The following TLN1 variants were observed in gnomAD, a reference collection of about 807,000 sequenced individuals.
The protein encoded by TLN1 is talin 1, also known as talin-1.
A neutral mutation model predicts 292.3 loss-of-function variants in TLN1; 56 were observed. The observed-to-expected ratio is 0.19, with a 90% CI of 0.15 to 0.24. The LOEUF is 0.24. Among genes scored for constraint, TLN1 ranks in the 10% least tolerant of loss-of-function variants. The pLI is 1.00. For synonymous variants in TLN1, 1,119 were observed against 1,253.7 expected, an observed-to-expected ratio of 0.89 and a Z score of 2.27; for missense variants, 2,433 against 3,248.2, an observed-to-expected ratio of 0.75 and a Z score of 6.10.
intron 1 of TLN1, among the ~76,000 whole-genome samples, chr9:35,727,354 G>C (rs950612972): frequency 6.6e-6 from 1 of 152,194 alleles, no homozygotes; most frequent in Non-Finnish European, 1.5e-5. Flanking sequence ...GAAGTTAGGA[G>C]AGATGGGATG....
In TLN1 at chr9:35,700,382, G is replaced by C. The variant is rs1429401152; in HGVS notation, c.6475-6C>G. ...GGCTCTGGGGAACAGAAAACCTGTGGGGGCAGAAGAAGAAGAAAGATTTTA... is the reference window on the plus strand; with the variant it reads ...GGCTCTGGGGAACAGAAAACCTGTGCGGGCAGAAGAAGAAGAAAGATTTTA... On this transcript the variant is annotated splice_region_variant and splice_polypyrimidine_tract_variant and intron_variant, in intron 48 of 56. Coordinates refer to ENST00000314888, the MANE Select transcript of TLN1 (RefSeq NM_006289.4). 1 of 1,592,314 alleles carries C rather than the reference G, an allele frequency of 6.3e-7. No homozygotes were observed. The highest frequency in any genetic ancestry group is 2.3e-5 in the East Asian group (1 of 44,298).
rs139629914 is a variant in TLN1, at chr9:35,724,541, C to G, written c.511+31G>C. 1.9e-6 allele frequency: 3 copies of G among 1,601,520 alleles called. No homozygotes were observed. In the East Asian group the frequency reaches 6.7e-5, roughly 36 times the overall value. Reference sequence around the variant, plus strand: ...AAGCCCCTTCCCACCCTTCCCATTTCAAAAGCCCTCTTTTTTCTAGTTCTG... The same window carrying G: ...AAGCCCCTTCCCACCCTTCCCATTTGAAAAGCCCTCTTTTTTCTAGTTCTG... On this transcript the variant is annotated intron_variant, in intron 5 of 56. Coordinates refer to ENST00000314888, the MANE Select transcript of TLN1 (RefSeq NM_006289.4). This position sits in a 1 kb window ranked among gnomAD's most constrained non-coding sequence, Gnocchi z 4.7.
At chr9:35,726,273 C>G (rs1825977356) in intron 1 of TLN1, among the ~76,000 whole-genome samples, 1 of 152,190 alleles carries the variant, frequency 6.6e-6, no homozygotes, top group Admixed American at 6.5e-5. Flanking sequence ...AATAGCAGGT[C>G]TGAAATGCAG....
intron 1 of TLN1, among the ~76,000 whole-genome samples, 196 bp downstream of exon 1, chr9:35,731,879 G>A (rs990617654): frequency 1.3e-5 from 2 of 151,938 alleles, no homozygotes; most frequent in African/African-American, 4.8e-5. Flanking sequence ...CCCAGACATA[G>A]GACTGCTCCC....
At position 35,712,022 on chromosome 9, in the gene TLN1, G is replaced by C. The variant is rs1825680948; in HGVS notation, c.3664C>G (p.Arg1222Gly). ...CCTCCTACCGAGTCACTCAGGAGTCGCTTGCTGGCATCTCCAACTGCCCTC... is the reference window on the plus strand; with the variant it reads ...CCTCCTACCGAGTCACTCAGGAGTCCCTTGCTGGCATCTCCAACTGCCCTC... ...ALRAVGDASK[R>G]LLSDSLPPST... is the part of the protein sequence containing the mutation. Residue 1222 changes from arginine to glycine, a missense_variant, in exon 28 of 57, where the codon CGA becomes GGA. This residue lies in a region of TLN1 where 1,384 missense variants were observed against 1,699.6 expected (regional missense o/e 0.81). Transcript: ENST00000314888. The C allele has an allele frequency of 6.2e-7, 1 of 1,613,734 alleles. No individual in the cohort carries two copies. Among genetic ancestry groups the C allele is most frequent in the African/African-American group, 1.3e-5 (1 of 74,862 alleles).
chr9:35,719,882 TGGAATGGATG>T lies in TLN1; in HGVS notation c.1465-39_1465-30del. On this transcript the variant is annotated intron_variant, in intron 13 of 56. Transcript: ENST00000314888. The surrounding 1 kb of genome is among the most constrained non-coding windows in gnomAD (Gnocchi z 4.6). The stretch of plus-strand genomic sequence containing the variant: ...AAGACAAGTGGGGAGAAACAGGGAC[TGGAATGGATG>T]TTTGGAGAAAAGAGAAGGTAAAAGA... 1 of 1,570,502 alleles carries T rather than the reference TGGAATGGATG, an allele frequency of 6.4e-7. No individual in the cohort carries two copies. Among genetic ancestry groups the T allele is most frequent in the Non-Finnish European group, 8.7e-7 (1 of 1,155,952 alleles).
At chr9:35,729,715 A>G (rs577001140) in intron 1 of TLN1, among the ~76,000 whole-genome samples, 2 of 152,320 alleles carry the variant, frequency 1.3e-5, no homozygotes, top group East Asian at 3.9e-4. Flanking sequence ...TAAGGTAGAC[A>G]GGTTAGAGTC....
chr9:35,718,530 T>C (rs1825824583), intron 17 of TLN1, among the ~76,000 whole-genome samples: 2 of 151,872 alleles, frequency 1.3e-5, no homozygotes, highest in Middle Eastern at 3.4e-3. Flanking sequence ...GGTCCTCAAA[T>C]TGGGGCAAGG....
In TLN1 at chr9:35,725,625, T is replaced by C. The variant is rs373447882; in HGVS notation, c.70A>G (p.Met24Val). ...ATGATGCGGCAGGCGTCGTACACCA[T>C]GGTAGACGGCTCAAACTGCATCGTC... Reference protein sequence around the residue: ...VKTMQFEPSTMVYDACRIIRE... With the variant: ...VKTMQFEPSTVVYDACRIIRE... The change falls in exon 2 of 57, where the codon ATG (methionine) becomes GTG (valine). Residue 24 changes from methionine (M) to valine (V), a missense_variant. By Grantham distance (21) the Met-to-Val change is conservative. Transcript: ENST00000314888. The C allele has an allele frequency of 1.9e-6, 3 of 1,613,840 alleles. No homozygotes were observed. Among genetic ancestry groups the C allele is most frequent in the African/African-American group, 1.3e-5 (1 of 74,874 alleles).
In TLN1 at chr9:35,703,663, T is replaced by C; in HGVS notation, c.6371A>G (p.Asn2124Ser). The change falls in exon 48 of 57, where the codon AAT becomes AGT. Residue 2124 changes from asparagine (N) to serine (S), a missense_variant. Physicochemically the swap from Asn to Ser is conservative, Grantham distance 46. Around this residue, in one of 7 missense-constraint regions of TLN1, gnomAD observed 1,384 missense variants for 1,699.6 expected, o/e 0.81. Coordinates refer to ENST00000314888, the MANE Select transcript of TLN1 (RefSeq NM_006289.4). Reference protein sequence around the residue: ...LKNSAKVMVTNVTSLLKTVKA... With the variant: ...LKNSAKVMVTSVTSLLKTVKA... ...TACTGTCTTAAGCAATGATGTCACATTGGTCACCATCACCTGGAGGTATCA... is the reference window on the plus strand; with the variant it reads ...TACTGTCTTAAGCAATGATGTCACACTGGTCACCATCACCTGGAGGTATCA... 1 of 1,614,184 alleles carries C rather than the reference T, an allele frequency of 6.2e-7. No homozygotes were observed. Among genetic ancestry groups the C allele is most frequent in the Non-Finnish European group, 8.5e-7 (1 of 1,180,040 alleles).
At chr9:35,725,428 A>C in intron 2 of TLN1, 107 bp from the exon 3 acceptor site, 1 of 1,534,850 alleles carries the variant, frequency 6.5e-7, no homozygotes, top group Non-Finnish European at 8.9e-7. Flanking sequence ...GGGCCTAAAG[A>C]ACGAGGGAAC....
rs1309705357 is a variant in TLN1 at position 35,699,643 on chromosome 9, C to G, written c.6769-182G>C. The G allele has an allele frequency of 1.0e-6, 1 of 985,248 alleles. No individual in the cohort carries two copies. Among genetic ancestry groups the G allele is most frequent in the Non-Finnish European group, 1.2e-6 (1 of 829,944 alleles). 61.0% of individuals were successfully genotyped at this position (985,248 alleles called of 1,614,324 possible). ...CATCACACCTCACACGTGATAGAGACAGTGGGGCTGTGTCACTCACCGGCT... is the reference window on the plus strand; with the variant it reads ...CATCACACCTCACACGTGATAGAGAGAGTGGGGCTGTGTCACTCACCGGCT... On this transcript the variant is annotated intron_variant, in intron 50 of 56. Transcript: ENST00000314888. The surrounding 1 kb of genome is among the most constrained non-coding windows in gnomAD (Gnocchi z 4.0).
intron 48 of TLN1, among the ~76,000 whole-genome samples, chr9:35,701,796 G>C (rs1363459661): frequency 1.3e-5 from 2 of 152,216 alleles, no homozygotes; most frequent in South Asian, 2.1e-4. Flanking sequence ...GAGAGAAAGA[G>C]AGAAGTCTAA....
intron 48 of TLN1, among the ~76,000 whole-genome samples, chr9:35,702,096 G>A (rs1417775028): frequency 2.0e-5 from 3 of 152,150 alleles, no homozygotes; most frequent in Non-Finnish European, 4.4e-5. Context: ...ACCAGAGTGC[G>A]GACAGGGAAC....
At chr9:35,718,986 C>T in intron 16 of TLN1, 76 bp from the exon 17 acceptor site, 1 of 1,596,608 alleles carries the variant, frequency 6.3e-7, no homozygotes, top group Non-Finnish European at 8.6e-7. Flanking sequence ...GCCCACGGGA[C>T]CCAGGCTTCC....
At position 35,697,601 on chromosome 9, in the gene TLN1, A is replaced by C; in HGVS notation, c.*190T>G. The C allele has an allele frequency of 1.4e-6, 1 of 737,992 alleles. No individual in the cohort carries two copies. Among genetic ancestry groups the C allele is most frequent in the Non-Finnish European group, 2.1e-6 (1 of 465,790 alleles). 45.7% of individuals were successfully genotyped at this position (737,992 alleles called of 1,614,324 possible). A position where few individuals can be genotyped will look rare whatever the true frequency, so the allele number is the denominator to read the frequency against. On this transcript the variant is annotated 3_prime_UTR_variant, in exon 57 of 57. Transcript: ENST00000314888. Reference sequence around the variant, plus strand: ...GCAGGCACTTGGGGGGCCCTAGGGCATGAAGGCACTTGGGGTTGGGGAGGG... The same window carrying C: ...GCAGGCACTTGGGGGGCCCTAGGGCCTGAAGGCACTTGGGGTTGGGGAGGG...
Position 35,711,805 on chromosome 9 carries a change from AG to A in TLN1, c.3682-14del. The stretch of plus-strand genomic sequence containing the variant: ...TGCTAGGAGGAAGCTGCAAGGTGAG[AG>A]GGGAAGTCAGACAGAAGAGTGGGGA... On this transcript the variant is annotated splice_polypyrimidine_tract_variant and intron_variant, in intron 28 of 56. Transcript: ENST00000314888. 1 of 1,613,824 alleles carries A rather than the reference AG, an allele frequency of 6.2e-7. No individual in the cohort carries two copies.
In TLN1 at chr9:35,697,461, G is replaced by A; in HGVS notation, c.*330C>T. The A allele has an allele frequency of 2.9e-6, 1 of 347,284 alleles. No individual in the cohort carries two copies. The highest frequency in any genetic ancestry group is 4.8e-5 in the South Asian group (1 of 20,640). The allele number at this position is 347,284 out of a possible 1,614,324, so 21.5% of individuals were successfully genotyped here. On this transcript the variant is annotated 3_prime_UTR_variant, in exon 57 of 57. Coordinates refer to ENST00000314888, the MANE Select transcript of TLN1 (RefSeq NM_006289.4). ...AACGGTGAAGAGAGCTGATGAGGCT[G>A]TGGGGACTGGCCGGAAGCTGCTGGC...
In TLN1 at chr9:35,704,354, T is replaced by C; in HGVS notation, c.6025A>G (p.Thr2009Ala). ...ATAGTLNREG[T>A]ETFADHREGI... Reference sequence around the variant, plus strand: ...TACCGGTGGTCAGCGAAAGTTTCAGTACCCTCACGATTGAGCGTGCCAGCA... The same window carrying C: ...TACCGGTGGTCAGCGAAAGTTTCAGCACCCTCACGATTGAGCGTGCCAGCA... Residue 2009 changes from threonine to alanine, a missense_variant, in exon 45 of 57, where the codon ACT becomes GCT. This residue lies in a region of TLN1 where 1,384 missense variants were observed against 1,699.6 expected (regional missense o/e 0.81). Coordinates refer to ENST00000314888, the MANE Select transcript of TLN1 (RefSeq NM_006289.4). This position sits in a 1 kb window ranked among gnomAD's most constrained non-coding sequence, Gnocchi z 6.9. The C allele has an allele frequency of 6.2e-7, 1 of 1,613,928 alleles. No homozygotes were observed. The highest frequency in any genetic ancestry group is 8.5e-7 in the Non-Finnish European group (1 of 1,179,884).
Sources: gnomAD v4.1 joint callset for allele counts (sites outside exome capture counted in the v4.1 genomes callset) on GRCh38, gnomAD v4.1.1 for gene constraint, gnomAD v4.1.1 regional missense constraint, Gnocchi (gnomAD v3.1) non-coding constraint, MANE v1.5 for transcripts, NCBI Gene and HGNC (gene_info 2026-07-23, HGNC 2026-07-21) for gene names.